Variants in LRRC7 observed in about 807,000 individuals in gnomAD.
LRRC7 encodes the protein leucine-rich repeat-containing protein 7.
LRRC7 carries 23 observed loss-of-function variants against 175.7 expected under a neutral mutation model. The ratio of observed to expected loss-of-function variants is 0.13; its 90% CI spans 0.09 to 0.19. The LOEUF is 0.19. Ranked by LOEUF, LRRC7 falls within the 10% of genes least tolerant of loss-of-function variation. LRRC7 has a pLI of 1.00. For missense variants in LRRC7, 1,354 were observed against 1,904.7 expected, an observed-to-expected ratio of 0.71 and a Z score of 5.38; for synonymous variants, 685 against 680.9, an observed-to-expected ratio of 1.01 and a Z score of -0.09.
intron 6 of LRRC7, among the ~76,000 whole-genome samples, chr1:69,836,578 C>T (rs2101343550): frequency 6.6e-6 from 1 of 151,892 alleles, no homozygotes; most frequent in Admixed American, 6.6e-5. Flanking sequence ...CATAAATTGC[C>T]TACAAAAAAT....
chr1:69,819,007 T>C (rs917480553), intron 4 of LRRC7, among the ~76,000 whole-genome samples: 2 of 151,666 alleles, frequency 1.3e-5, no homozygotes, highest in Non-Finnish European at 2.9e-5. Context: ...AGCTAAAGGC[T>C]TGTCAATTTT....
intron 26 of LRRC7, among the ~76,000 whole-genome samples, chr1:70,120,269 G>A (rs924174131): frequency 6.6e-6 from 1 of 151,938 alleles, no homozygotes; most frequent in South Asian, 2.1e-4. Flanking sequence ...ACTTCTGTGG[G>A]CATTTTCATT....
rs190077958 is a variant in LRRC7 at position 69,669,846 on chromosome 1, A to C, written c.3-8535A>C. On this transcript the variant is annotated intron_variant, in intron 1 of 26. Coordinates refer to ENST00000651989, the MANE Select transcript of LRRC7 (RefSeq NM_001370785.2). ...TTTTTTCTGCTTGATCAACTCTGCTATGAAAAGACTCTGATGCATTGATGC... is the reference window on the plus strand; with the variant it reads ...TTTTTTCTGCTTGATCAACTCTGCTCTGAAAAGACTCTGATGCATTGATGC... Among the ~76,000 whole-genome samples the C allele has an allele frequency of 1.6e-3, 236 of 152,176 alleles. 1 individual carries two copies. Among genetic ancestry groups the C allele is most frequent in the Middle Eastern group, 3.4e-3 (1 of 294 alleles).
At chr1:69,903,042 A>G (rs1481450414) in intron 7 of LRRC7, among the ~76,000 whole-genome samples, 1 of 152,186 alleles carries the variant, frequency 6.6e-6, no homozygotes, top group Non-Finnish European at 1.5e-5. Context: ...CCAAATGCCA[A>G]TTGATAATAG....
At chr1:70,052,977 G>A (rs1660858044) in intron 22 of LRRC7, 49 bp from the exon 23 acceptor site, 1 of 1,496,156 alleles carries the variant, frequency 6.7e-7, no homozygotes, top group Admixed American at 2.3e-5. Flanking sequence ...GAAAACTATG[G>A]TAAACTTCTA....
At chr1:70,019,956 G>T (rs2101971268) in intron 15 of LRRC7, among the ~76,000 whole-genome samples, 1 of 151,930 alleles carries the variant, frequency 6.6e-6, no homozygotes, top group African/African-American at 2.4e-5. Flanking sequence ...CATATTCACT[G>T]GTCATTTCTG....
chr1:69,733,469 G>T (rs1667792592), intron 2 of LRRC7, among the ~76,000 whole-genome samples: 1 of 151,950 alleles, frequency 6.6e-6, no homozygotes, highest in Non-Finnish European at 1.5e-5. Flanking sequence ...TGGATTATTT[G>T]TTATTTTCAA....
intron 2 of LRRC7, among the ~76,000 whole-genome samples, chr1:69,742,400 C>G (rs1486144139): frequency 2.0e-5 from 3 of 151,662 alleles, no homozygotes; most frequent in African/African-American, 7.3e-5. Context: ...GATTTGCAAA[C>G]CAATAATTTT....
intron 26 of LRRC7, among the ~76,000 whole-genome samples, chr1:70,109,564 C>G (rs1296765274): frequency 6.6e-6 from 1 of 152,126 alleles, no homozygotes; most frequent in African/African-American, 2.4e-5. Flanking sequence ...TTTCCTTTAC[C>G]ACTTTATTAT....
At chr1:69,634,220 A>G (rs1000918739) in intron 1 of LRRC7, among the ~76,000 whole-genome samples, 5 of 152,142 alleles carry the variant, frequency 3.3e-5, no homozygotes, top group African/African-American at 9.7e-5. Flanking sequence ...AGACATAAAA[A>G]GATTATAAGT....
chr1:69,676,001 G>A (rs983546084), intron 1 of LRRC7, among the ~76,000 whole-genome samples: 3 of 114,576 alleles, frequency 2.6e-5, no homozygotes, highest in African/African-American at 1.1e-4. Context: ...AGGCATATGA[G>A]TGCATGCACA....
At chr1:69,879,626 C>T (rs1260918368) in intron 7 of LRRC7, 2 of 152,484 alleles carry the variant, frequency 1.3e-5, no homozygotes, top group South Asian at 2.1e-4. Flanking sequence ...GTCCCAGCTA[C>T]TCAGGAGACT....
intron 7 of LRRC7, among the ~76,000 whole-genome samples, chr1:69,914,427 G>A (rs1267833929): frequency 6.6e-6 from 1 of 152,046 alleles, no homozygotes; most frequent in East Asian, 1.9e-4. Flanking sequence ...CTTTGCAATC[G>A]GATAAATGCT....
intron 3 of LRRC7, among the ~76,000 whole-genome samples, chr1:69,780,003 C>T (rs1398302761): frequency 6.6e-6 from 1 of 152,168 alleles, no homozygotes; most frequent in African/African-American, 2.4e-5. Flanking sequence ...AATGATTTCT[C>T]CTCTTAGCTG....
chr1:69,683,920 A>G (rs529515524), intron 2 of LRRC7, among the ~76,000 whole-genome samples: 1 of 152,296 alleles, frequency 6.6e-6, no homozygotes, highest in South Asian at 2.1e-4. Flanking sequence ...AGGAAAGATG[A>G]TGAAATAATA....
chr1:69,865,908 A>G lies in LRRC7; in HGVS notation c.647+27625A>G, dbSNP rs189039883. Among the ~76,000 whole-genome samples the G allele has an allele frequency of 7.6e-3, 1,151 of 152,250 alleles. 13 individuals are homozygous for G. Among genetic ancestry groups the G allele is most frequent in the Non-Finnish European group, 0.012 (839 of 68,016 alleles). ...GTAATGAGTGAAAACAAAGCTCCCT[A>G]GGTGTCTCTGCCAAATGGAAAATAA... On this transcript the variant is annotated intron_variant, in intron 7 of 26. Transcript: ENST00000651989.
intron 2 of LRRC7, among the ~76,000 whole-genome samples, chr1:69,717,937 AAAGAAAG>A (rs1557642087): frequency 3.8e-4 from 13 of 34,226 alleles, no homozygotes; most frequent in African/African-American, 1.6e-3. Flanking sequence ...GAAAAGAAAG[AAAGAAAG>A]AAAGAAAGAA....
intron 8 of LRRC7, among the ~76,000 whole-genome samples, chr1:69,931,810 A>G (rs928417458): frequency 2.0e-5 from 3 of 152,228 alleles, no homozygotes; most frequent in Admixed American, 1.3e-4. Flanking sequence ...AGTATGTTAC[A>G]TATGTTATCT....
At chr1:70,099,057 A>T (rs1257287162) in intron 25 of LRRC7, among the ~76,000 whole-genome samples, 1 of 150,622 alleles carries the variant, frequency 6.6e-6, no homozygotes, top group Non-Finnish European at 1.5e-5. Flanking sequence ...ATGAACATTG[A>T]TGCAAAAATC....
Sources: allele counts gnomAD v4.1 joint callset (sites outside exome capture counted in the v4.1 genomes callset), GRCh38; gene constraint gnomAD v4.1.1; transcripts MANE v1.5; gene names NCBI Gene and HGNC (gene_info 2026-07-23, HGNC 2026-07-21).